Variants in PTPRD observed in about 807,000 individuals in gnomAD.
PTPRD encodes receptor-type tyrosine-protein phosphatase delta.
A neutral mutation model predicts 214.5 loss-of-function variants in PTPRD; 34 were observed. The ratio of observed to expected loss-of-function variants is 0.16; its 90% CI spans 0.12 to 0.21. The LOEUF (loss-of-function observed/expected upper bound fraction) is 0.21, where lower values mean the gene tolerates loss of function less well. PTPRD is among the 10% of genes least tolerant of loss of function. PTPRD has a pLI of 1.00. For synonymous variants in PTPRD, 1,128 were observed against 845.7 expected, an observed-to-expected ratio of 1.33 and a Z score of -5.79; for missense variants, 2,545 against 2,398.7, an observed-to-expected ratio of 1.06 and a Z score of -1.27.
chr9:9,858,461 T>A (rs1331614540), intron 5 of PTPRD, among the ~76,000 whole-genome samples: 1 of 152,176 alleles, frequency 6.6e-6, no homozygotes, highest in East Asian at 1.9e-4. Context: ...ATTTAATCTA[T>A]CGATGAAGAA....
intron 9 of PTPRD, among the ~76,000 whole-genome samples, chr9:9,204,204 T>C (rs1593487966): frequency 6.6e-6 from 1 of 152,318 alleles, no homozygotes; most frequent in East Asian, 1.9e-4. Flanking sequence ...GGGAATTGAG[T>C]TGGTAAATCT....
chr9:8,427,023 G>T (rs1296565363), intron 35 of PTPRD, among the ~76,000 whole-genome samples: 1 of 152,090 alleles, frequency 6.6e-6, no homozygotes, highest in Admixed American at 6.5e-5. Flanking sequence ...TTGTTTATAA[G>T]ATGCCAAAAG....
At chr9:8,449,965 G>T in intron 33 of PTPRD, 128 bp from the exon 34 acceptor site, 2 of 864,720 alleles carry the variant, frequency 2.3e-6, no homozygotes, top group Non-Finnish European at 3.5e-6. Context: ...CAACCCAGCT[G>T]ACTTGTGACC....
At chr9:9,734,105 T>C (rs537027075) in intron 7 of PTPRD, among the ~76,000 whole-genome samples, 5 of 152,190 alleles carry the variant, frequency 3.3e-5, no homozygotes, top group African/African-American at 4.8e-5. Flanking sequence ...ACTCTCAGCA[T>C]TGTACTACTG....
chr9:8,401,401 T>C (rs2092369069), intron 36 of PTPRD, among the ~76,000 whole-genome samples: 1 of 152,182 alleles, frequency 6.6e-6, no homozygotes, highest in Non-Finnish European at 1.5e-5. Flanking sequence ...GGAATTACTA[T>C]TTTCTCTTAA....
intron 11 of PTPRD, among the ~76,000 whole-genome samples, chr9:8,782,193 TATACA>T: frequency 6.6e-6 from 1 of 150,422 alleles, no homozygotes; most frequent in African/African-American, 2.5e-5. Flanking sequence ...TATGTGTACA[TATACA>T]AAATATACAT....
intron 5 of PTPRD, among the ~76,000 whole-genome samples, chr9:9,838,813 T>G (rs1301613558): frequency 6.6e-6 from 1 of 152,300 alleles, no homozygotes; most frequent in Non-Finnish European, 1.5e-5. Context: ...GCCATTGCTT[T>G]TGGTGTTTTA....
intron 2 of PTPRD, among the ~76,000 whole-genome samples, chr9:10,500,792 C>G (rs2043430694): frequency 6.6e-6 from 1 of 151,872 alleles, no homozygotes; most frequent in African/African-American, 2.4e-5. Context: ...TAAGCAAGGA[C>G]ATGAGAAGTG....
chr9:8,351,446 G>A (rs2075422703), intron 39 of PTPRD, among the ~76,000 whole-genome samples: 1 of 151,164 alleles, frequency 6.6e-6, no homozygotes. Flanking sequence ...TCTAATAATG[G>A]AATTAAGAAG....
At chr9:8,542,398 A>G (rs1251021630) in intron 14 of PTPRD, among the ~76,000 whole-genome samples, 1 of 152,234 alleles carries the variant, frequency 6.6e-6, no homozygotes, top group Non-Finnish European at 1.5e-5. Flanking sequence ...CATTAGGAAG[A>G]TGTAAGGAGA....
chr9:10,149,723 CT>C (rs1041441679), intron 3 of PTPRD, among the ~76,000 whole-genome samples: 11 of 148,814 alleles, frequency 7.4e-5, no homozygotes, highest in African/African-American at 2.0e-4. Context: ...AATACCTTGT[CT>C]TTTTTTTTCT....
At chr9:9,145,190 C>T (rs2099866619) in intron 10 of PTPRD, among the ~76,000 whole-genome samples, 1 of 152,156 alleles carries the variant, frequency 6.6e-6, no homozygotes, top group Non-Finnish European at 1.5e-5. Flanking sequence ...CACTGTGAAT[C>T]ACTTTCTAAT....
intron 12 of PTPRD, among the ~76,000 whole-genome samples, chr9:8,645,977 T>A (rs2096679241): frequency 6.6e-6 from 1 of 151,934 alleles, no homozygotes; most frequent in Admixed American, 6.6e-5. Flanking sequence ...CACTAATATG[T>A]CTTATCCCTC....
At chr9:10,048,612 G>C (rs938662479) in intron 3 of PTPRD, among the ~76,000 whole-genome samples, 2 of 151,812 alleles carry the variant, frequency 1.3e-5, no homozygotes, top group African/African-American at 4.8e-5. Flanking sequence ...AACCACTCTA[G>C]AAACTGCTGG....
chr9:8,589,540 A>G (rs1181771715), intron 14 of PTPRD, among the ~76,000 whole-genome samples: 3 of 152,360 alleles, frequency 2.0e-5, no homozygotes, highest in Non-Finnish European at 4.4e-5. Flanking sequence ...ACCATGTTGA[A>G]AACAAGATAC....
intron 5 of PTPRD, among the ~76,000 whole-genome samples, chr9:9,922,980 T>C (rs948627514): frequency 6.6e-6 from 1 of 152,024 alleles, no homozygotes; most frequent in Non-Finnish European, 1.5e-5. Context: ...ATTTTATCAA[T>C]GTCACATTTA....
At chr9:8,550,563 G>A (rs2081737334) in intron 14 of PTPRD, among the ~76,000 whole-genome samples, 1 of 152,184 alleles carries the variant, frequency 6.6e-6, no homozygotes, top group Non-Finnish European at 1.5e-5. Context: ...AGATACGTAT[G>A]TGCTTATGTG....
intron 3 of PTPRD, among the ~76,000 whole-genome samples, chr9:10,069,425 A>G (rs893805124): frequency 6.6e-6 from 1 of 152,022 alleles, no homozygotes; most frequent in African/African-American, 2.4e-5. Flanking sequence ...CAGGCTCCCT[A>G]TTGGAGCTGG....
chr9:9,227,792 C>T (rs1227239036), intron 9 of PTPRD, among the ~76,000 whole-genome samples: 1 of 152,110 alleles, frequency 6.6e-6, no homozygotes, highest in South Asian at 2.1e-4. Context: ...AATGAGCCAT[C>T]TTGGAAATGG....
Sources: gnomAD v4.1 joint callset for allele counts (sites outside exome capture counted in the v4.1 genomes callset) on GRCh38, gnomAD v4.1.1 for gene constraint, MANE v1.5 for transcripts, NCBI Gene and HGNC (gene_info 2026-07-23, HGNC 2026-07-21) for gene names.